Variants in RNF34 observed in about 807,000 individuals in gnomAD.
RNF34 encodes the protein E3 ubiquitin-protein ligase RNF34.
RNF34 carries 12 observed loss-of-function variants against 37.9 expected under a neutral mutation model. The observed-to-expected ratio is 0.32, with a 90% CI of 0.20 to 0.51. The LOEUF (loss-of-function observed/expected upper bound fraction) is 0.51. Ranked by LOEUF, RNF34 falls within the 20% of genes least tolerant of loss-of-function variation. The pLI, the probability that RNF34 is intolerant of heterozygous loss-of-function variation, is 0.97. For synonymous variants in RNF34, 155 were observed against 177.2 expected (o/e 0.87, Z 1.00); for missense variants, 362 against 472.7 (o/e 0.77, Z 2.17).
At chr12:121,408,423 CAA>C (rs368914960) in intron 1 of RNF34, among the ~76,000 whole-genome samples, 25 of 151,868 alleles carry the variant, frequency 1.6e-4, no homozygotes, top group African/African-American at 5.6e-4. Context: ...GCCTGGGTAA[CAA>C]GAGTGAAACT....
chr12:121,404,196 G>A (rs911975190), intron 1 of RNF34, among the ~76,000 whole-genome samples: 27 of 150,460 alleles, frequency 1.8e-4, no homozygotes, highest in Middle Eastern at 3.4e-3. Flanking sequence ...TAGTAGAGAC[G>A]GAGTTTCACA....
chr12:121,406,283 A>AGTAGTTGTTGTTGTTGTTGTTGTT (rs1555280670), intron 1 of RNF34, among the ~76,000 whole-genome samples: 1 of 150,492 alleles, frequency 6.6e-6, no homozygotes, highest in Non-Finnish European at 1.5e-5. Context: ...GGAATGTGTA[A>AGTAGTTGTTGTTGTTGTTGTTGTT]GTTGTTGTTG....
At chr12:121,403,891 T>C in intron 1 of RNF34, among the ~76,000 whole-genome samples, 1 of 151,122 alleles carries the variant, frequency 6.6e-6, no homozygotes, top group Non-Finnish European at 1.5e-5. Context: ...AATGACTGTG[T>C]AGTAACATAT....
chr12:121,412,729 T>C (rs1871199064), intron 1 of RNF34, among the ~76,000 whole-genome samples: 1 of 149,596 alleles, frequency 6.7e-6, no homozygotes, highest in African/African-American at 2.5e-5. Flanking sequence ...TCATGCTTTT[T>C]TTTTTTTTTT....
intron 1 of RNF34, among the ~76,000 whole-genome samples, chr12:121,401,138 T>C (rs1344621941): frequency 6.6e-6 from 1 of 151,812 alleles, no homozygotes; most frequent in Non-Finnish European, 1.5e-5. Flanking sequence ...CCATAAAGCG[T>C]CAAAGATTTA....
At chr12:121,420,524 G>C in intron 4 of RNF34, 53 bp from the exon 5 acceptor site, 1 of 1,591,764 alleles carries the variant, frequency 6.3e-7, no homozygotes, top group East Asian at 2.2e-5. Context: ...AGTTTAGAGT[G>C]GGGAGGGTCT....
At chr12:121,411,618 A>G (rs1165504721) in intron 1 of RNF34, among the ~76,000 whole-genome samples, 1 of 152,214 alleles carries the variant, frequency 6.6e-6, no homozygotes, top group Non-Finnish European at 1.5e-5. Context: ...AAGAAAACAT[A>G]TTTTGAACTT....
chr12:121,400,182 T>G lies in RNF34; in HGVS notation c.-31T>G, dbSNP rs782440713. ...GCTGCTATGGTGCTGAGTTTCCTGG[T>G]AGAGCCGGCCGAGCTGAGGCGGTCG... On this transcript the variant is annotated 5_prime_UTR_variant, in exon 1 of 6. Transcript: ENST00000361234. 2 of 1,606,722 alleles carry G rather than the reference T, an allele frequency of 1.2e-6. No individual in the cohort carries two copies. The highest frequency in any genetic ancestry group is 8.5e-7 in the Non-Finnish European group (1 of 1,178,316).
At chr12:121,402,962 C>T (rs1555280200) in intron 1 of RNF34, among the ~76,000 whole-genome samples, 1 of 152,100 alleles carries the variant, frequency 6.6e-6, no homozygotes, top group Non-Finnish European at 1.5e-5. Context: ...ATGTAGAATT[C>T]CTTCCTTTGT....
chr12:121,407,824 A>T (rs1181389586), intron 1 of RNF34, among the ~76,000 whole-genome samples: 1 of 152,210 alleles, frequency 6.6e-6, no homozygotes, highest in Non-Finnish European at 1.5e-5. Context: ...ACCCTACCGG[A>T]TATGGTAACT....
intron 2 of RNF34, 191 bp downstream of exon 2, chr12:121,416,568 GT>G (rs1384563384): frequency 1.9e-6 from 1 of 525,978 alleles, no homozygotes; most frequent in Non-Finnish European, 3.4e-6. Context: ...TATAGACATT[GT>G]TTCTCATGTT....
At chr12:121,415,976 G>A (rs566045979) in intron 1 of RNF34, among the ~76,000 whole-genome samples, 183 bp from the exon 2 acceptor site, 19 of 151,808 alleles carry the variant, frequency 1.3e-4, no homozygotes, top group Non-Finnish European at 2.1e-4. Context: ...GGCAATGCCA[G>A]ATATTCTTTG....
intron 1 of RNF34, chr12:121,404,845 A>C (rs1362721014): frequency 1.3e-5 from 2 of 152,232 alleles, no homozygotes; most frequent in African/African-American, 4.8e-5. Context: ...TTTTCTCCCC[A>C]CAGGGATTCT....
At position 121,417,398 on chromosome 12, in the gene RNF34, G is replaced by A; in HGVS notation, c.226-106G>A. The A allele has an allele frequency of 1.1e-6, 1 of 888,646 alleles. No individual in the cohort carries two copies. The highest frequency in any genetic ancestry group is 1.7e-6 in the Non-Finnish European group (1 of 584,962). 55.0% of individuals were successfully genotyped at this position (888,646 alleles called of 1,614,324 possible). A position where few individuals can be genotyped will look rare whatever the true frequency, so the allele number is the denominator to read the frequency against. On this transcript the variant is annotated intron_variant, in intron 2 of 5. Coordinates refer to ENST00000361234, the MANE Select transcript of RNF34 (RefSeq NM_025126.4). This position sits in a 1 kb window ranked among gnomAD's most constrained non-coding sequence, Gnocchi z 5.0. ...CTGGAAATAGTCTGGTGCCACTGGGGACTTCACTAAGAACTAAAATTAAAT... is the reference window on the plus strand; with the variant it reads ...CTGGAAATAGTCTGGTGCCACTGGGAACTTCACTAAGAACTAAAATTAAAT...
Position 121,402,882 on chromosome 12 carries a change from C to T in RNF34, c.6+2664C>T, listed in dbSNP as rs528916658. The stretch of plus-strand genomic sequence containing the variant: ...GCCAATGTCTTGTCTAAAAGTATTA[C>T]ATTTTAGAGTTCATCATCTGTTTTT... On this transcript the variant is annotated intron_variant, in intron 1 of 5. Coordinates refer to ENST00000361234, the MANE Select transcript of RNF34 (RefSeq NM_025126.4). 4.5e-6 allele frequency: 5 copies of T among 1,105,592 alleles called. 1 individual carries two copies. Among genetic ancestry groups the T allele is most frequent in the Non-Finnish European group, 6.9e-6 (5 of 726,410 alleles). 68.5% of individuals were successfully genotyped at this position (1,105,592 alleles called of 1,614,324 possible).
In RNF34 at chr12:121,423,506, G is replaced by A; in HGVS notation, c.1049G>A (p.Gly350Asp). The change falls in exon 6 of 6, where the codon GGC (glycine) becomes GAC (aspartate). Residue 350 changes from glycine (G) to aspartate (D), a missense_variant. Coordinates refer to ENST00000361234, the MANE Select transcript of RNF34 (RefSeq NM_025126.4). The surrounding 1 kb of genome is among the most constrained non-coding windows in gnomAD (Gnocchi z 4.3). ...CGHMVTCTKC[G>D]KRMSECPICR... Reference sequence around the variant, plus strand: ...CACATGGTTACCTGCACCAAGTGCGGCAAGCGCATGAGTGAGTGTCCCATC... The same window carrying A: ...CACATGGTTACCTGCACCAAGTGCGACAAGCGCATGAGTGAGTGTCCCATC... 1 of 1,614,166 alleles carries A rather than the reference G, an allele frequency of 6.2e-7. No individual in the cohort carries two copies. Among genetic ancestry groups the A allele is most frequent in the Non-Finnish European group, 8.5e-7 (1 of 1,180,008 alleles).
Position 121,424,143 on chromosome 12 carries a change from C to G in RNF34, c.*567C>G, listed in dbSNP as rs1872391622. 6.5e-6 allele frequency: 1 copy of G among 152,790 alleles called. No homozygotes were observed. Among genetic ancestry groups the G allele is most frequent in the African/African-American group, 2.4e-5 (1 of 41,464 alleles). 9.5% of individuals were successfully genotyped at this position (152,790 alleles called of 1,614,324 possible). ...CAACTGACATTCTCTAGTCGACTGC[C>G]AGGGCCTTAGACTCCACATGTCCAT... On this transcript the variant is annotated 3_prime_UTR_variant, in exon 6 of 6. Transcript: ENST00000361234.
At chr12:121,416,134 CTG>C (rs1555282153) in intron 1 of RNF34, 23 bp from the exon 2 acceptor site, 13 of 1,597,856 alleles carry the variant, frequency 8.1e-6, no homozygotes, top group Non-Finnish European at 1.0e-5. Flanking sequence ...TAGCTTTAAA[CTG>C]TGGGATTTGT....
In RNF34 at chr12:121,420,585, GCT is replaced by G; in HGVS notation, c.739_740del (p.Ser247GlnfsTer10). The G allele has an allele frequency of 6.2e-7, 1 of 1,614,066 alleles. No homozygotes were observed. Among genetic ancestry groups the G allele is most frequent in the Non-Finnish European group, 8.5e-7 (1 of 1,179,956 alleles). Reference protein sequence around the residue: ...EENAEDRNPGLSKERVRASLS... With the variant: ...EENAEDRNPGXSKERVRASLS... ...ATGCTCTGTGGTTTCAGAACCCCGG[GCT>G]CTCCAAGGAGAGAGTGAGAGCTTCA... On this transcript the variant is annotated frameshift_variant, in exon 5 of 6. Coordinates refer to ENST00000361234, the MANE Select transcript of RNF34 (RefSeq NM_025126.4). LOFTEE classifies it high-confidence loss of function.
Sources: gnomAD v4.1 joint callset for allele counts (sites outside exome capture counted in the v4.1 genomes callset) on GRCh38, gnomAD v4.1.1 for gene constraint, Gnocchi (gnomAD v3.1) non-coding constraint, MANE v1.5 for transcripts, NCBI Gene and HGNC (gene_info 2026-07-23, HGNC 2026-07-21) for gene names.